PRCC: variants seen among roughly 807,000 people sequenced by gnomAD.
The protein encoded by PRCC is proline-rich protein PRCC.
PRCC carries 10 observed loss-of-function variants against 44.0 expected under a neutral mutation model. The ratio of observed to expected loss-of-function variants is 0.23; its 90% CI spans 0.14 to 0.39. PRCC has a LOEUF of 0.39. Among genes scored for constraint, PRCC ranks in the 10% least tolerant of loss-of-function variants. The probability of loss-of-function intolerance (pLI) is 1.00; values close to 1 mark genes in which losing one functional copy is unlikely to be tolerated. For synonymous variants in PRCC, 278 were observed against 259.5 expected (o/e 1.07, Z -0.69); for missense variants, 573 against 624.7 (o/e 0.92, Z 0.88).
At position 156,786,756 on chromosome 1, in the gene PRCC, C is replaced by T; in HGVS notation, c.665C>T (p.Ser222Phe). The change falls in exon 3 of 7, where the codon TCT (serine) becomes TTT (phenylalanine). Residue 222 changes from serine to phenylalanine, a missense_variant. Coordinates refer to ENST00000271526, the MANE Select transcript of PRCC (RefSeq NM_005973.5). ...GATACTAAGCCCTCCAGACTGGCTT[C>T]TAAGACCAAGACTTCCTCTCTTGCC... ...SPDTKPSRLA[S>F]KTKTSSLAPV... 1 of 1,614,236 alleles carries T rather than the reference C, an allele frequency of 6.2e-7. No homozygotes were observed. The highest frequency in any genetic ancestry group is 8.5e-7 in the Non-Finnish European group (1 of 1,180,048).
chr1:156,779,509 GCAAAGGTGCCCGC>G (rs1651970171), intron 1 of PRCC, among the ~76,000 whole-genome samples: 1 of 141,158 alleles, frequency 7.1e-6, no homozygotes, highest in Non-Finnish European at 1.5e-5. Flanking sequence ...GGGACTACAG[GCAAAGGTGCCCGC>G]CATCATGCCC....
chr1:156,784,054 C>T (rs1046636455), intron 2 of PRCC, among the ~76,000 whole-genome samples: 2 of 151,812 alleles, frequency 1.3e-5, no homozygotes, highest in African/African-American at 4.8e-5. Context: ...TCACGCCATT[C>T]TCCTGCCTCA....
intron 1 of PRCC, among the ~76,000 whole-genome samples, chr1:156,777,749 G>T (rs953119996): frequency 5.3e-5 from 8 of 152,218 alleles, no homozygotes; most frequent in African/African-American, 1.9e-4. Context: ...AAAGGAGCAA[G>T]GTGAGAGTCA....
At position 156,778,857 on chromosome 1, in the gene PRCC, T is replaced by C. The variant is rs865920269; in HGVS notation, c.469-3425T>C. Among the ~76,000 whole-genome samples the C allele has an allele frequency of 1.1e-4, 16 of 151,710 alleles. No individual in the cohort carries two copies. The South Asian group carries it at 2.1e-3, about 20-fold the overall frequency. Reference sequence around the variant, plus strand: ...TCTTGTTGCCCAGGCTGGAGTGCAATGGCGCAATCTCGGCTCACTACAACC... The same window carrying C: ...TCTTGTTGCCCAGGCTGGAGTGCAACGGCGCAATCTCGGCTCACTACAACC... On this transcript the variant is annotated intron_variant, in intron 1 of 6. Transcript: ENST00000271526.
chr1:156,783,279 G>T (rs940601532), intron 2 of PRCC, among the ~76,000 whole-genome samples: 2 of 152,162 alleles, frequency 1.3e-5, no homozygotes. Context: ...TCCTCAACAA[G>T]ACAGTGCTAG....
chr1:156,799,661 C>T (rs527897353), intron 6 of PRCC, among the ~76,000 whole-genome samples: 1 of 152,002 alleles, frequency 6.6e-6, no homozygotes, highest in African/African-American at 2.4e-5. Context: ...ATTATTTAAA[C>T]TCAATCTCTT....
Position 156,800,778 on chromosome 1 carries a change from AG to A in PRCC, c.*321del, listed in dbSNP as rs1652809504. 3.4e-6 allele frequency: 1 copy of A among 290,856 alleles called. No homozygotes were observed. Among genetic ancestry groups the A allele is most frequent in the Non-Finnish European group, 6.5e-6 (1 of 153,130 alleles). The allele number at this position is 290,856 out of a possible 1,614,324, so 18.0% of individuals were successfully genotyped here. ...ACCACCACTTTTTTTTTTTTAAACC[AG>A]GGATGTCTGTTGAAATAAAACATTC... On this transcript the variant is annotated 3_prime_UTR_variant, in exon 7 of 7. Transcript: ENST00000271526.
In PRCC at chr1:156,800,391, G is replaced by A. The variant is rs781738710; in HGVS notation, c.1407G>A (p.Leu469=). ...YLIHQAKERE[L]ELKNTWSENK... is the part of the protein sequence containing the mutation. ...TGCCACAGGCCAAGGAGCGGGAGCT[G>A]GAACTGAAGAACACCTGGTCAGAGA... Residue 469 remains leucine (L), a synonymous_variant, in exon 7 of 7, where the codon CTG becomes CTA. Transcript: ENST00000271526. The A allele has an allele frequency of 3.7e-6, 6 of 1,614,174 alleles. No individual in the cohort carries two copies. The South Asian group carries it at 6.6e-5, about 18-fold the overall frequency.
rs959452296 is a variant in PRCC at position 156,800,710 on chromosome 1, G to A, written c.*250G>A. The A allele has an allele frequency of 2.5e-6, 1 of 407,824 alleles. No individual in the cohort carries two copies. The highest frequency in any genetic ancestry group is 4.9e-5 in the South Asian group (1 of 20,398). The allele number at this position is 407,824 out of a possible 1,614,324, so 25.3% of individuals were successfully genotyped here. A position where few individuals can be genotyped will look rare whatever the true frequency, so the allele number is the denominator to read the frequency against. On this transcript the variant is annotated 3_prime_UTR_variant, in exon 7 of 7. Transcript: ENST00000271526. The stretch of plus-strand genomic sequence containing the variant: ...AGGGGCTCTGAGTTCTGGGGTGGGA[G>A]TTTTGCTCTCTGTCAGGTGTGATAA...
chr1:156,774,131 G>A (rs546077302), intron 1 of PRCC, among the ~76,000 whole-genome samples: 23 of 137,830 alleles, frequency 1.7e-4, no homozygotes, highest in East Asian at 8.7e-4. Context: ...TAATGGGTGC[G>A]GAGTTTCTTT....
In PRCC at chr1:156,768,165, C is replaced by A. The variant is rs575593280; in HGVS notation, c.394C>A (p.Pro132Thr). The change falls in exon 1 of 7, where the codon CCG becomes ACG. Residue 132 changes from proline (P) to threonine (T), a missense_variant. Coordinates refer to ENST00000271526, the MANE Select transcript of PRCC (RefSeq NM_005973.5). The part of the protein sequence containing the change: ...LPPPIGGAGP[P>T]LGLPKPKKRK... ...CCCTCCAATTGGCGGTGCCGGTCCC[C>A]CGCTGGGGCTTCCCAAGCCAAAGAA... 3.2e-6 allele frequency: 5 copies of A among 1,554,256 alleles called. No individual in the cohort carries two copies. Among genetic ancestry groups the A allele is most frequent in the Non-Finnish European group, 4.4e-6 (5 of 1,149,372 alleles).
At chr1:156,778,280 C>T (rs1651899344) in intron 1 of PRCC, among the ~76,000 whole-genome samples, 1 of 152,142 alleles carries the variant, frequency 6.6e-6, no homozygotes, top group Non-Finnish European at 1.5e-5. Context: ...AGAACGTGTG[C>T]TATTTGTCTA....
At chr1:156,781,485 T>A (rs1652049528) in intron 1 of PRCC, among the ~76,000 whole-genome samples, 1 of 152,186 alleles carries the variant, frequency 6.6e-6, no homozygotes, top group African/African-American at 2.4e-5. Flanking sequence ...GGGAATAATT[T>A]TTTGAAATAA....
chr1:156,777,264 C>G (rs1023913379), intron 1 of PRCC, among the ~76,000 whole-genome samples: 4 of 152,114 alleles, frequency 2.6e-5, no homozygotes, highest in Non-Finnish European at 5.9e-5. Context: ...GTTTGGTGTT[C>G]CCGCAAAAGC....
chr1:156,767,657 C>A lies in PRCC; in HGVS notation c.-115C>A. ...GGCTAGCCCTAGAGTACGGAGCAGG[C>A]GGACTTTTCGGTTCCCCGCCCCGCC... On this transcript the variant is annotated 5_prime_UTR_variant, in exon 1 of 7. Transcript: ENST00000271526. 1 of 1,053,796 alleles carries A rather than the reference C, an allele frequency of 9.5e-7. No homozygotes were observed. The highest frequency in any genetic ancestry group is 1.4e-6 in the Non-Finnish European group (1 of 739,754). 65.3% of individuals were successfully genotyped at this position (1,053,796 alleles called of 1,614,324 possible).
At chr1:156,796,203 A>G (rs1652656715) in intron 5 of PRCC, 1 of 152,236 alleles carries the variant, frequency 6.6e-6, no homozygotes, top group African/African-American at 2.4e-5. Flanking sequence ...ATGGAGCTGG[A>G]TGTTTTATGT....
Position 156,787,176 on chromosome 1 carries a change from T to A in PRCC, c.1083+2T>A. On this transcript the variant is annotated splice_donor_variant, in intron 3 of 6. Transcript: ENST00000271526. LOFTEE classifies it high-confidence loss of function. ...AATGCCGCTGGTGCTTATTATCAGG[T>A]GGGTAGGAGGCACAGAGGGCAGGCG... 1 of 1,594,486 alleles carries A rather than the reference T, an allele frequency of 6.3e-7. No individual in the cohort carries two copies. The highest frequency in any genetic ancestry group is 8.6e-7 in the Non-Finnish European group (1 of 1,166,302).
intron 3 of PRCC, 87 bp from the exon 4 acceptor site, chr1:156,791,610 A>G (rs1652473943): frequency 1.6e-6 from 2 of 1,245,790 alleles, no homozygotes. Flanking sequence ...CTCTTTGATG[A>G]CAATTTTCTG....
chr1:156,767,680 G>T lies in PRCC; in HGVS notation c.-92G>T. 7.5e-7 allele frequency: 1 copy of T among 1,338,408 alleles called. No individual in the cohort carries two copies. Among genetic ancestry groups the T allele is most frequent in the Non-Finnish European group, 1.0e-6 (1 of 998,534 alleles). 82.9% of individuals were successfully genotyped at this position (1,338,408 alleles called of 1,614,324 possible). On this transcript the variant is annotated 5_prime_UTR_variant, in exon 1 of 7. Transcript: ENST00000271526. Reference sequence around the variant, plus strand: ...GGCGGACTTTTCGGTTCCCCGCCCCGCCAGGTGGCGGGGCCTACTAGGCCT... The same window carrying T: ...GGCGGACTTTTCGGTTCCCCGCCCCTCCAGGTGGCGGGGCCTACTAGGCCT...
Sources: gnomAD v4.1 joint callset for allele counts (sites outside exome capture counted in the v4.1 genomes callset) on GRCh38, gnomAD v4.1.1 for gene constraint, MANE v1.5 for transcripts, NCBI Gene and HGNC (gene_info 2026-07-23, HGNC 2026-07-21) for gene names.